The following ANKH variants were observed in gnomAD, a reference collection of about 807,000 sequenced individuals.
ANKH encodes mineralization regulator ANKH.
Under a neutral mutation model 49.0 loss-of-function variants are expected in ANKH, and 15 were observed. That is an observed-to-expected ratio of 0.31 (90% CI 0.20 to 0.47). The LOEUF (loss-of-function observed/expected upper bound fraction) is 0.47. ANKH is among the 20% of genes least tolerant of loss of function. The pLI is 1.00. For missense variants in ANKH, 429 were observed against 652.0 expected, an observed-to-expected ratio of 0.66 and a Z score of 3.72; for synonymous variants, 273 against 260.0, an observed-to-expected ratio of 1.05 and a Z score of -0.48.
chr5:14,835,288 G>C (rs1741620721), intron 1 of ANKH, among the ~76,000 whole-genome samples: 1 of 152,280 alleles, frequency 6.6e-6, no homozygotes, highest in Non-Finnish European at 1.5e-5. Context: ...GATGACTGCT[G>C]TCCCTCTGGT....
At chr5:14,804,756 T>C (rs535058207) in intron 1 of ANKH, among the ~76,000 whole-genome samples, 1 of 152,346 alleles carries the variant, frequency 6.6e-6, no homozygotes, top group East Asian at 1.9e-4. Flanking sequence ...ATAAAGACTC[T>C]ATCAGCGCTC....
intron 8 of ANKH, among the ~76,000 whole-genome samples, chr5:14,733,319 C>G (rs1000986316): frequency 6.6e-6 from 1 of 152,170 alleles, no homozygotes; most frequent in Non-Finnish European, 1.5e-5. Context: ...CCTTACTGTG[C>G]CCGAGCAAGT....
intron 1 of ANKH, among the ~76,000 whole-genome samples, chr5:14,830,070 T>C (rs1561074394): frequency 6.6e-6 from 1 of 152,170 alleles, no homozygotes; most frequent in Non-Finnish European, 1.5e-5. Context: ...AAGTCCAGTG[T>C]TTTACCTTGG....
intron 1 of ANKH, among the ~76,000 whole-genome samples, chr5:14,852,697 C>A (rs1001586192): frequency 6.6e-5 from 10 of 152,116 alleles, no homozygotes; most frequent in Non-Finnish European, 1.2e-4. Context: ...CACTACTATA[C>A]TTTAAATTAT....
chr5:14,743,440 T>C (rs153929), intron 7 of ANKH, among the ~76,000 whole-genome samples: 46,023 of 152,168 alleles, frequency 0.3, 8,185 homozygotes, highest in African/African-American at 0.5. Context: ...CAGCAGGTAT[T>C]GTTAGATTAG....
chr5:14,724,650 G>C, intron 8 of ANKH: 1 of 891,020 alleles, frequency 1.1e-6, no homozygotes, highest in South Asian at 5.2e-5. Context: ...CTTGCAGAGT[G>C]GGCCATGCAT....
chr5:14,746,428 C>G (rs1738545831), intron 6 of ANKH, among the ~76,000 whole-genome samples: 1 of 151,868 alleles, frequency 6.6e-6, no homozygotes, highest in Non-Finnish European at 1.5e-5. Context: ...TGTGCTCAGT[C>G]AGTTCCTGGG....
intron 1 of ANKH, among the ~76,000 whole-genome samples, chr5:14,846,147 G>A (rs1033909868): frequency 7.9e-5 from 12 of 151,998 alleles, no homozygotes; most frequent in Admixed American, 5.9e-4. Context: ...ATGAGCCACC[G>A]CGCCCGGCCG....
At chr5:14,743,024 C>T (rs1010119064) in intron 7 of ANKH, among the ~76,000 whole-genome samples, 1 of 152,252 alleles carries the variant, frequency 6.6e-6, no homozygotes, top group African/African-American at 2.4e-5. Flanking sequence ...CACACACCCA[C>T]AGCTACTACA....
chr5:14,744,798 C>A (rs1220647333), intron 7 of ANKH, among the ~76,000 whole-genome samples: 1 of 152,242 alleles, frequency 6.6e-6, no homozygotes, highest in Non-Finnish European at 1.5e-5. Context: ...AACCCACAAA[C>A]GGTCTCAGGG....
chr5:14,723,357 A>AAC (rs1491425261), intron 8 of ANKH, among the ~76,000 whole-genome samples: 1 of 8,926 alleles, frequency 1.1e-4, no homozygotes, highest in Non-Finnish European at 4.7e-4. Context: ...TTCTTTTTTT[A>AAC]AAAAAAAAAA....
chr5:14,826,924 TG>T (rs2126593215), intron 1 of ANKH, among the ~76,000 whole-genome samples: 1 of 152,340 alleles, frequency 6.6e-6, no homozygotes, highest in East Asian at 1.9e-4. Context: ...TGACCATTTC[TG>T]GCCAATGGAA....
Position 14,751,074 on chromosome 5 carries a change from G to C in ANKH, c.682C>G (p.Leu228Val). Residue 228 changes from leucine (L) to valine (V), a missense_variant, in exon 5 of 12, where the codon CTG (leucine) becomes GTG (valine). This residue lies in a region of ANKH where 378 missense variants were observed against 615.3 expected (regional missense o/e 0.61). Coordinates refer to ENST00000284268, the MANE Select transcript of ANKH (RefSeq NM_054027.6). ...DIIPDRSGPE[L>V]GGDATIRKML... ...TGTTGGGTTGGTAGACGTACCCCCA[G>C]CTCCGGGCCACTTCTGTCAGGGATG... The C allele has an allele frequency of 6.2e-7, 1 of 1,614,240 alleles. No homozygotes were observed. The highest frequency in any genetic ancestry group is 2.2e-5 in the East Asian group (1 of 44,886).
chr5:14,808,637 T>C (rs1003491181), intron 1 of ANKH, among the ~76,000 whole-genome samples: 1 of 151,750 alleles, frequency 6.6e-6, no homozygotes, highest in Non-Finnish European at 1.5e-5. Flanking sequence ...CTATGAGATA[T>C]CATCTCACAC....
At chr5:14,723,369 G>A (rs1476244073) in intron 8 of ANKH, among the ~76,000 whole-genome samples, 3 of 124,122 alleles carry the variant, frequency 2.4e-5, no homozygotes, top group Admixed American at 8.1e-5. Flanking sequence ...AAAAAAAAAA[G>A]TTAAAAAAAG....
intron 1 of ANKH, among the ~76,000 whole-genome samples, chr5:14,781,617 A>G (rs1739808416): frequency 6.6e-6 from 1 of 152,214 alleles, no homozygotes; most frequent in African/African-American, 2.4e-5. Context: ...ACTTAGTGTC[A>G]TAAGACCCTC....
chr5:14,741,642 A>T, intron 8 of ANKH, 185 bp downstream of exon 8: 5 of 589,560 alleles, frequency 8.5e-6, no homozygotes, highest in Non-Finnish European at 1.5e-5. Flanking sequence ...CTTTATTCCT[A>T]GACTCAAGGG....
At chr5:14,849,658 A>G (rs1175838090) in intron 1 of ANKH, among the ~76,000 whole-genome samples, 1 of 152,234 alleles carries the variant, frequency 6.6e-6, no homozygotes, top group Non-Finnish European at 1.5e-5. Context: ...AATGCTCTTT[A>G]CTAGCTATAA....
intron 1 of ANKH, among the ~76,000 whole-genome samples, chr5:14,825,701 C>G (rs1375824152): frequency 6.6e-6 from 1 of 152,142 alleles, no homozygotes; most frequent in African/African-American, 2.4e-5. Context: ...AACCTGAAAT[C>G]TATCGAATTG....
Sources: allele counts gnomAD v4.1 joint callset (sites outside exome capture counted in the v4.1 genomes callset), GRCh38; gene constraint gnomAD v4.1.1; regional missense constraint gnomAD v4.1.1; transcripts MANE v1.5; gene names NCBI Gene and HGNC (gene_info 2026-07-23, HGNC 2026-07-21).